The following WDR70 variants were observed in gnomAD, a reference collection of about 807,000 sequenced individuals.
The protein encoded by WDR70 is WD repeat domain 70.
WDR70 carries 53 observed loss-of-function variants against 88.6 expected under a neutral mutation model. The ratio of observed to expected loss-of-function variants is 0.60; its 90% CI spans 0.48 to 0.75. The LOEUF is 0.75. WDR70 is among the 30% of genes least tolerant of loss of function. The probability of loss-of-function intolerance (pLI) is 0.00; values close to 1 mark genes in which losing one functional copy is unlikely to be tolerated. For synonymous variants in WDR70, 280 were observed against 270.0 expected (o/e 1.04, Z -0.36); for missense variants, 610 against 823.2 (o/e 0.74, Z 3.17).
At chr5:37,693,171 G>C (rs7703775) in intron 10 of WDR70, among the ~76,000 whole-genome samples, 56,464 of 151,898 alleles carry the variant, frequency 0.37, 10,937 homozygotes, top group African/African-American at 0.46. Flanking sequence ...TGAATGACCT[G>C]TTCAAGGAGA....
At chr5:37,691,249 C>T (rs1042140731) in intron 10 of WDR70, among the ~76,000 whole-genome samples, 1 of 152,166 alleles carries the variant, frequency 6.6e-6, no homozygotes, top group Non-Finnish European at 1.5e-5. Context: ...TACTTAGACT[C>T]CCACACATTA....
At chr5:37,668,257 A>C (rs1745922065) in intron 10 of WDR70, among the ~76,000 whole-genome samples, 1 of 152,140 alleles carries the variant, frequency 6.6e-6, no homozygotes, top group Non-Finnish European at 1.5e-5. Flanking sequence ...TAAAAATTAT[A>C]TTTTGCTTAG....
intron 10 of WDR70, among the ~76,000 whole-genome samples, chr5:37,619,489 C>A (rs1389059077): frequency 6.6e-6 from 1 of 152,108 alleles, no homozygotes; most frequent in Non-Finnish European, 1.5e-5. Flanking sequence ...TGTAAGTGGA[C>A]AAGGCCAAAC....
chr5:37,655,515 A>G (rs1234960631), intron 10 of WDR70, among the ~76,000 whole-genome samples: 12 of 152,264 alleles, frequency 7.9e-5, no homozygotes, highest in Non-Finnish European at 1.5e-5. Flanking sequence ...CTCCTGGATA[A>G]CATCCTGAAG....
chr5:37,614,783 G>T (rs530697528), intron 10 of WDR70, among the ~76,000 whole-genome samples: 1 of 152,214 alleles, frequency 6.6e-6, no homozygotes, highest in Admixed American at 6.5e-5. Context: ...TTTTCTCTTC[G>T]ATATTAATGG....
At chr5:37,580,337 C>T (rs538887980) in intron 9 of WDR70, among the ~76,000 whole-genome samples, 17 of 152,278 alleles carry the variant, frequency 1.1e-4, no homozygotes, top group African/African-American at 2.4e-4. Context: ...GCTTAACACA[C>T]GACAGCTATG....
chr5:37,615,433 A>G lies in WDR70; in HGVS notation c.1092+10195A>G, dbSNP rs550561657. Among the ~76,000 whole-genome samples the G allele has an allele frequency of 2.0e-5, 3 of 152,226 alleles. No individual in the cohort carries two copies. The South Asian group carries it at 6.2e-4, about 32-fold the overall frequency. ...ACTCACAGGGAATACAATAGGAAAC[A>G]TGTGACACAAGAATAATAGGACCAT... On this transcript the variant is annotated intron_variant, in intron 10 of 17. Transcript: ENST00000265107.
At chr5:37,715,926 G>A (rs1004956676) in intron 13 of WDR70, among the ~76,000 whole-genome samples, 10 of 150,834 alleles carry the variant, frequency 6.6e-5, no homozygotes, top group Non-Finnish European at 1.3e-4. Context: ...ACACACACAC[G>A]CACACACACA....
chr5:37,518,412 T>C (rs1740961431), intron 9 of WDR70, among the ~76,000 whole-genome samples: 1 of 152,122 alleles, frequency 6.6e-6, no homozygotes, highest in Non-Finnish European at 1.5e-5. Context: ...ATGAGTTCCA[T>C]TGTTTTGATT....
chr5:37,416,780 A>G (rs1749770665), intron 5 of WDR70, among the ~76,000 whole-genome samples: 1 of 151,998 alleles, frequency 6.6e-6, no homozygotes, highest in East Asian at 1.9e-4. Context: ...GGGTTTTGCC[A>G]TCTTGGCCAG....
At chr5:37,484,055 C>T (rs1561870279) in intron 8 of WDR70, among the ~76,000 whole-genome samples, 2 of 151,702 alleles carry the variant, frequency 1.3e-5, no homozygotes, top group African/African-American at 2.4e-5. Context: ...GGAAGAGGCG[C>T]TCCTCACTTC....
chr5:37,418,983 C>T (rs1382156330), intron 5 of WDR70, among the ~76,000 whole-genome samples: 1 of 151,534 alleles, frequency 6.6e-6, no homozygotes, highest in African/African-American at 2.4e-5. Flanking sequence ...AGGCTGGTCT[C>T]CGACTTCTGG....
In WDR70 at chr5:37,560,106, TGA is replaced by T. The variant is rs540647412; in HGVS notation, c.917+43522_917+43523del. Among the ~76,000 whole-genome samples, 168 of 152,298 alleles carry T rather than the reference TGA, an allele frequency of 1.1e-3. 1 individual carries two copies. The highest frequency in any genetic ancestry group is 3.8e-3 in the African/African-American group (160 of 41,576). On this transcript the variant is annotated intron_variant, in intron 9 of 17. Coordinates refer to ENST00000265107, the MANE Select transcript of WDR70 (RefSeq NM_018034.4). ...TAGTTAGCCAACTTAAGCAAACTAG[TGA>T]GAGAGTACTTAAAACCAAGAAAAGC...
intron 3 of WDR70, 110 bp from the exon 4 acceptor site, chr5:37,391,890 C>A: frequency 8.0e-7 from 1 of 1,254,802 alleles, no homozygotes; most frequent in Admixed American, 3.0e-5. Flanking sequence ...ACTGCTAACA[C>A]TCTAAGTTAT....
At chr5:37,547,639 C>CA (rs575329996) in intron 9 of WDR70, among the ~76,000 whole-genome samples, 109 of 152,238 alleles carry the variant, frequency 7.2e-4, no homozygotes, top group Non-Finnish European at 1.5e-3. Context: ...GTGTTACAAA[C>CA]AATCCAGTTA....
chr5:37,547,938 A>G (rs1159203983), intron 9 of WDR70, among the ~76,000 whole-genome samples: 1 of 152,178 alleles, frequency 6.6e-6, no homozygotes, highest in Non-Finnish European at 1.5e-5. Context: ...TAACATAATT[A>G]ACCCCAGTTC....
intron 7 of WDR70, among the ~76,000 whole-genome samples, chr5:37,446,312 A>G (rs1436577438): frequency 6.6e-6 from 1 of 152,238 alleles, no homozygotes; most frequent in African/African-American, 2.4e-5. Context: ...ATGGAAGAAC[A>G]TTCCATGCTC....
intron 10 of WDR70, among the ~76,000 whole-genome samples, chr5:37,629,041 G>T (rs373891931): frequency 2.0e-5 from 3 of 152,108 alleles, no homozygotes; most frequent in Non-Finnish European, 4.4e-5. Context: ...GCTTTGCAGG[G>T]TATAATATTT....
chr5:37,482,804 AATT>A, intron 8 of WDR70, among the ~76,000 whole-genome samples: 1 of 152,244 alleles, frequency 6.6e-6, no homozygotes, highest in East Asian at 1.9e-4. Flanking sequence ...ATCAAACAGA[AATT>A]ATGTGGGATG....
Sources: gnomAD v4.1 joint callset for allele counts (sites outside exome capture counted in the v4.1 genomes callset) on GRCh38, gnomAD v4.1.1 for gene constraint, MANE v1.5 for transcripts, NCBI Gene and HGNC (gene_info 2026-07-23, HGNC 2026-07-21) for gene names.